IRF6: variants seen among roughly 807,000 people sequenced by gnomAD.
IRF6 encodes the protein Van der Woude syndrome.
IRF6 carries 6 observed loss-of-function variants against 51.4 expected under a neutral mutation model. The observed-to-expected ratio is 0.12, with a 90% CI of 0.06 to 0.23. The LOEUF is 0.23. IRF6 is among the 10% of genes least tolerant of loss of function. IRF6 has a pLI of 1.00. For missense variants in IRF6, 348 were observed against 585.2 expected (o/e 0.59, Z 4.18); for synonymous variants, 178 against 215.7 (o/e 0.83, Z 1.53).
In IRF6 at chr1:209,788,184, T is replaced by C; in HGVS notation, c.*236A>G. On this transcript the variant is annotated 3_prime_UTR_variant, in exon 9 of 9. Coordinates refer to ENST00000367021, the MANE Select transcript of IRF6 (RefSeq NM_006147.4). ...GGTGTCCAAACTCCCAGGCCAAATC[T>C]CCTTCTACTATGCTATATCATACTA... 1.9e-6 allele frequency: 1 copy of C among 531,282 alleles called. No homozygotes were observed. The highest frequency in any genetic ancestry group is 2.3e-5 in the South Asian group (1 of 44,432). The allele number at this position is 531,282 out of a possible 1,614,324, so 32.9% of individuals were successfully genotyped here.
chr1:209,799,762 C>T (rs1323449374), intron 3 of IRF6, among the ~76,000 whole-genome samples: 2 of 152,366 alleles, frequency 1.3e-5, no homozygotes, highest in South Asian at 2.1e-4. Flanking sequence ...CAAGATGGGC[C>T]CGTGCCCTTC....
rs1437260575 is a variant in IRF6, at chr1:209,789,730, G to A, written c.1116C>T (p.Tyr372=). 1 of 1,614,172 alleles carries A rather than the reference G, an allele frequency of 6.2e-7. No homozygotes were observed. The highest frequency in any genetic ancestry group is 8.5e-7 in the Non-Finnish European group (1 of 1,180,016). ...CTGGCCATTCTTCCCCAAAGCATAA[G>A]TAGATCTCAAACGGTGGCTGCTTCT... is the stretch of plus-strand genomic sequence containing the variant. ...QIEKQPPFEI[Y]LCFGEEWPDG... is the part of the protein sequence containing the mutation. Residue 372 remains tyrosine (Y), a synonymous_variant, in exon 8 of 9, where the codon TAC becomes TAT. Coordinates refer to ENST00000367021, the MANE Select transcript of IRF6 (RefSeq NM_006147.4).
chr1:209,791,152 A>G, intron 6 of IRF6: 2 of 656,660 alleles, frequency 3.0e-6, no homozygotes, highest in Non-Finnish European at 3.8e-6. Flanking sequence ...CAATTGCATC[A>G]AGTAAAGTGG....
rs764983956 is a variant in IRF6 at position 209,792,263 on chromosome 1, A to G, written c.667+6T>C. On this transcript the variant is annotated splice_donor_region_variant and intron_variant, in intron 6 of 8. Coordinates refer to ENST00000367021, the MANE Select transcript of IRF6 (RefSeq NM_006147.4). ...GACCGAGCAAGAAAGATAAAGTCTCACTTACTTGGGAGAGAGCTGATCCAC... is the reference window on the plus strand; with the variant it reads ...GACCGAGCAAGAAAGATAAAGTCTCGCTTACTTGGGAGAGAGCTGATCCAC... 3.1e-6 allele frequency: 5 copies of G among 1,612,740 alleles called. No individual in the cohort carries two copies. The highest frequency in any genetic ancestry group is 4.2e-6 in the Non-Finnish European group (5 of 1,178,668).
At chr1:209,792,584 A>G (rs1224407627) in intron 5 of IRF6, 157 bp from the exon 6 acceptor site, 16 of 705,110 alleles carry the variant, frequency 2.3e-5, no homozygotes, top group Non-Finnish European at 2.4e-6. Context: ...TAACTAACGC[A>G]ATAAGAAATA....
rs779914200 is a variant in IRF6, at chr1:209,795,311, A to G, written c.487T>C (p.Phe163Leu). Reference protein sequence around the residue: ...SQHHVPIQDTFPFLNINGSPM... With the variant: ...SQHHVPIQDTLPFLNINGSPM... ...TCACCATTGATGTTCAGGAAGGGGA[A>G]GGTGTCCTGGATGGGAACATGGTGC... is the stretch of plus-strand genomic sequence containing the variant. Residue 163 changes from phenylalanine (F) to leucine (L), a missense_variant, in exon 5 of 9, where the codon TTC (phenylalanine) becomes CTC (leucine). This residue lies in a region of IRF6 where 124 missense variants were observed against 141.6 expected (regional missense o/e 0.88). Coordinates refer to ENST00000367021, the MANE Select transcript of IRF6 (RefSeq NM_006147.4). 6.2e-7 allele frequency: 1 copy of G among 1,614,220 alleles called. No homozygotes were observed. Among genetic ancestry groups the G allele is most frequent in the Non-Finnish European group, 8.5e-7 (1 of 1,180,034 alleles).
chr1:209,805,790 G>A (rs751229727), intron 1 of IRF6, among the ~76,000 whole-genome samples, 157 bp downstream of exon 1: 9 of 152,056 alleles, frequency 5.9e-5, no homozygotes, highest in Non-Finnish European at 8.8e-5. Flanking sequence ...CTGGAAAAGG[G>A]CGACAGGCAC....
chr1:209,788,722 G>C, intron 8 of IRF6, 78 bp from the exon 9 acceptor site: 2 of 1,172,968 alleles, frequency 1.7e-6, no homozygotes, highest in Non-Finnish European at 2.5e-6. Flanking sequence ...CAAGATTGAA[G>C]GACAGACCAA....
rs775097814 is a variant in IRF6, at chr1:209,789,798, G to A, written c.1061-13C>T. ...TGGGCAATGAGATCTGCAGAAAGTG[G>A]AAGAGCAAGTTTGGTATACTGGGTC... On this transcript the variant is annotated splice_polypyrimidine_tract_variant and intron_variant, in intron 7 of 8. Transcript: ENST00000367021. The A allele has an allele frequency of 6.3e-7, 1 of 1,585,730 alleles. No homozygotes were observed. Among genetic ancestry groups the A allele is most frequent in the Middle Eastern group, 1.7e-4 (1 of 6,012 alleles).
rs924936101 is a variant in IRF6, at chr1:209,790,124, C to G, written c.1061-339G>C. ...AAACTGCCTGCTTGAATTCACCACTCAGATAATTCCCAAAAGAATATGTGC... is the reference window on the plus strand; with the variant it reads ...AAACTGCCTGCTTGAATTCACCACTGAGATAATTCCCAAAAGAATATGTGC... On this transcript the variant is annotated intron_variant, in intron 7 of 8. Transcript: ENST00000367021. The surrounding 1 kb of genome is among the most constrained non-coding windows in gnomAD (Gnocchi z 4.8). 1.3e-5 allele frequency among the ~76,000 whole-genome samples: 2 copies of G among 152,224 alleles called. No homozygotes were observed. The highest frequency in any genetic ancestry group is 1.5e-5 in the Non-Finnish European group (1 of 68,044).
At chr1:209,788,710 C>A in intron 8 of IRF6, 66 bp from the exon 9 acceptor site, 3 of 1,314,338 alleles carry the variant, frequency 2.3e-6, no homozygotes, top group Non-Finnish European at 3.3e-6. Context: ...GCACAATGGA[C>A]CCAAGATTGA....
intron 3 of IRF6, among the ~76,000 whole-genome samples, chr1:209,798,724 C>T (rs1179546277): frequency 2.0e-5 from 3 of 152,056 alleles, no homozygotes; most frequent in African/African-American, 4.8e-5. Flanking sequence ...TCCTGGCCAA[C>T]GTGGTGAAAC....
intron 3 of IRF6, among the ~76,000 whole-genome samples, chr1:209,800,820 A>G (rs968559685): frequency 3.3e-5 from 5 of 152,210 alleles, no homozygotes; most frequent in African/African-American, 4.8e-5. Context: ...CACATAGGCT[A>G]TACTGCGTGC....
chr1:209,805,422 A>T (rs1470330390), intron 1 of IRF6, among the ~76,000 whole-genome samples: 2 of 152,160 alleles, frequency 1.3e-5, no homozygotes, highest in African/African-American at 4.8e-5. Flanking sequence ...CGCTCCTTGG[A>T]AATCCAAGGT....
In IRF6 at chr1:209,787,801, A is replaced by T. The variant is rs1352522926; in HGVS notation, c.*619T>A. 6.5e-6 allele frequency: 1 copy of T among 152,790 alleles called. No individual in the cohort carries two copies. Among genetic ancestry groups the T allele is most frequent in the Non-Finnish European group, 1.5e-5 (1 of 68,582 alleles). The allele number at this position is 152,790 out of a possible 1,614,324, so 9.5% of individuals were successfully genotyped here. A position where few individuals can be genotyped will look rare whatever the true frequency, so the allele number is the denominator to read the frequency against. On this transcript the variant is annotated 3_prime_UTR_variant, in exon 9 of 9. Coordinates refer to ENST00000367021, the MANE Select transcript of IRF6 (RefSeq NM_006147.4). ...GGCACCCATTTCTATTTAGATATCA[A>T]GCATAGTTTCTAAGCAACCAGCCAG...
Position 209,787,684 on chromosome 1 carries a change from A to G in IRF6, c.*736T>C, listed in dbSNP as rs2077843274. ...TAAATGCCTGACAACCTATTCTTCC[A>G]CAGAATCCCTAGGCTTTCTGTGTCA... On this transcript the variant is annotated 3_prime_UTR_variant, in exon 9 of 9. Coordinates refer to ENST00000367021, the MANE Select transcript of IRF6 (RefSeq NM_006147.4). 6.6e-6 allele frequency: 1 copy of G among 151,602 alleles called. No individual in the cohort carries two copies. The highest frequency in any genetic ancestry group is 6.6e-5 in the Admixed American group (1 of 15,222). 9.4% of individuals were successfully genotyped at this position (151,602 alleles called of 1,614,324 possible).
chr1:209,791,089 A>G, intron 6 of IRF6: 3 of 976,398 alleles, frequency 3.1e-6, no homozygotes, highest in Non-Finnish European at 3.7e-6. Context: ...GAAAGCAAAC[A>G]GTTCAAAGTC....
intron 6 of IRF6, among the ~76,000 whole-genome samples, chr1:209,791,550 C>A (rs2077869291): frequency 6.6e-6 from 1 of 152,172 alleles, no homozygotes; most frequent in Non-Finnish European, 1.5e-5. Context: ...TAAATTCGTA[C>A]CAAATTCAGA....
intron 1 of IRF6, among the ~76,000 whole-genome samples, chr1:209,805,003 TCAAAATGCC>T (rs2077965265): frequency 1.3e-5 from 2 of 152,074 alleles, no homozygotes; most frequent in Admixed American, 1.3e-4. Context: ...AGGCCTCTAG[TCAAAATGCC>T]CACACCCTTC....
Sources: gnomAD v4.1 joint callset for allele counts (sites outside exome capture counted in the v4.1 genomes callset) on GRCh38, gnomAD v4.1.1 for gene constraint, gnomAD v4.1.1 regional missense constraint, Gnocchi (gnomAD v3.1) non-coding constraint, MANE v1.5 for transcripts, NCBI Gene and HGNC (gene_info 2026-07-23, HGNC 2026-07-21) for gene names.